A1BG: variants seen among roughly 807,000 people sequenced by gnomAD.
The protein encoded by A1BG is alpha-1B-glycoprotein.
Under a neutral mutation model 46.0 loss-of-function variants are expected in A1BG, and 44 were observed. The ratio of observed to expected loss-of-function variants is 0.96; its 90% CI spans 0.75 to 1.23. The LOEUF (loss-of-function observed/expected upper bound fraction) is 1.23. Among genes scored for constraint, A1BG ranks in the 50% most tolerant of loss-of-function variants. The pLI is 0.00. For missense variants in A1BG, 707 were observed against 688.8 expected, an observed-to-expected ratio of 1.03 and a Z score of -0.30; for synonymous variants, 316 against 314.7, an observed-to-expected ratio of 1.00 and a Z score of -0.04.
chr19:58,350,479 C>T lies in A1BG; in HGVS notation c.1083G>A (p.Leu361=). The T allele has an allele frequency of 1.3e-6, 2 of 1,556,714 alleles. No individual in the cohort carries two copies. The highest frequency in any genetic ancestry group is 1.7e-6 in the Non-Finnish European group (2 of 1,150,806). The change falls in exon 6 of 8, where the codon CTG becomes CTA. Residue 361 remains leucine (L), a synonymous_variant. Transcript: ENST00000263100. ...CGGAGTCAGCCACGGAAATGTTGTG[C>T]AGCTCGAAGAGCGCCTCGGTCCCAG... ...SPAGTEALFE[L]HNISVADSAN...
rs375666222 is a variant in A1BG at position 58,352,466 on chromosome 19, G to A, written c.430C>T (p.Arg144Trp). ...CGCCTCAGCAGAAAAGTCACACCCC[G>A]CAGCACACCTCGGCACACTGCTGTT... The part of the protein sequence containing the change: ...KTTAVCRGVL[R>W]GVTFLLRREG... Residue 144 changes from arginine (R) to tryptophan (W), a missense_variant, in exon 4 of 8, where the codon CGG becomes TGG. By Grantham distance (101) the Arg-to-Trp change is moderately radical. Transcript: ENST00000263100. 28 of 1,613,472 alleles carry A rather than the reference G, an allele frequency of 1.7e-5. No individual in the cohort carries two copies. Among genetic ancestry groups the A allele is most frequent in the African/African-American group, 6.7e-5 (5 of 74,848 alleles).
At position 58,353,383 on chromosome 19, in the gene A1BG, C is replaced by T. The variant is rs370525596; in HGVS notation, c.34+21G>A. The T allele has an allele frequency of 5.5e-5, 88 of 1,612,496 alleles. 2 individuals are homozygous for T. In the East Asian group the frequency reaches 6.5e-4, roughly 12 times the overall value. ...TCCCGCCCCCTCCCGCCCCAGGGAC[C>T]CAGACCCCAGGAGGCCTCACCCCAC... On this transcript the variant is annotated intron_variant, in intron 1 of 7. Transcript: ENST00000263100.
chr19:58,351,046 C>G, intron 5 of A1BG: 1 of 452,222 alleles, frequency 2.2e-6, no homozygotes, highest in South Asian at 3.1e-5. Flanking sequence ...GTCCGGTGCT[C>G]AGAGTTTGCT....
Position 58,348,079 on chromosome 19 carries a change from C to T in A1BG, c.1193-439G>A, listed in dbSNP as rs536155330. Among the ~76,000 whole-genome samples, 20 of 152,336 alleles carry T rather than the reference C, an allele frequency of 1.3e-4. No individual in the cohort carries two copies. In the East Asian group the frequency reaches 3.7e-3, roughly 28 times the overall value. On this transcript the variant is annotated intron_variant, in intron 6 of 7. Coordinates refer to ENST00000263100, the MANE Select transcript of A1BG (RefSeq NM_130786.4). ...AAAAGTGTATTTAAGGTGCCGGGCG[C>T]AGTGGCTCACACCTGTAATCTCAGC...
chr19:58,346,624 G>A lies in A1BG; in HGVS notation c.*398C>T. 7.4e-6 allele frequency: 2 copies of A among 271,800 alleles called. No individual in the cohort carries two copies. Among genetic ancestry groups the A allele is most frequent in the Non-Finnish European group, 1.4e-5 (2 of 138,978 alleles). The allele number at this position is 271,800 out of a possible 1,614,324, so 16.8% of individuals were successfully genotyped here. Reference sequence around the variant, plus strand: ...GCTCCCAGCTACTTGGGAGGCTGAGGCAGGAGGATCGCTTGAGCCTGGGAG... The same window carrying A: ...GCTCCCAGCTACTTGGGAGGCTGAGACAGGAGGATCGCTTGAGCCTGGGAG... On this transcript the variant is annotated 3_prime_UTR_variant, in exon 8 of 8. Transcript: ENST00000263100.
intron 7 of A1BG, 97 bp downstream of exon 7, chr19:58,347,256 C>T: frequency 6.5e-7 from 1 of 1,547,606 alleles, no homozygotes; most frequent in South Asian, 1.2e-5. Context: ...CCAGGGGTGC[C>T]CAAGGGAGGA....
chr19:58,351,921 G>C, intron 4 of A1BG: 1 of 701,700 alleles, frequency 1.4e-6, no homozygotes, highest in Non-Finnish European at 2.3e-6. Context: ...TCAGCCTCCT[G>C]AGTAGCTGGT....
Position 58,352,996 on chromosome 19 carries a change from T to C in A1BG, c.272A>G (p.Tyr91Cys). The change falls in exon 3 of 8, where the codon TAC becomes TGC. Residue 91 changes from tyrosine (Y) to cysteine (C), a missense_variant. Tyr to Cys is a radical substitution (Grantham distance 194, BLOSUM62 -2). Transcript: ENST00000263100. ...FLLTGDTQGR[Y>C]RCRSGLSTGW... ...TGTGGACAAGCCCGAGCGGCAGCGG[T>C]AGCGGCCCTGGGTGTCACCCGTCAG... 6.2e-7 allele frequency: 1 copy of C among 1,613,952 alleles called. No individual in the cohort carries two copies. Among genetic ancestry groups the C allele is most frequent in the Non-Finnish European group, 8.5e-7 (1 of 1,180,020 alleles).
intron 6 of A1BG, chr19:58,349,725 G>C (rs1417980300): frequency 6.7e-6 from 1 of 149,310 alleles, no homozygotes; most frequent in Non-Finnish European, 1.5e-5. Context: ...ATGAGAGAGA[G>C]AGAAAGAAGA....
At chr19:58,350,770 T>G in intron 5 of A1BG, 119 bp from the exon 6 acceptor site, 1 of 1,148,954 alleles carries the variant, frequency 8.7e-7, no homozygotes, top group Non-Finnish European at 1.1e-6. Flanking sequence ...CCTGGCCAGC[T>G]TCCTCCCTCG....
At chr19:58,351,093 C>T in intron 5 of A1BG, 1 of 524,412 alleles carries the variant, frequency 1.9e-6, no homozygotes, top group Non-Finnish European at 3.4e-6. Context: ...AGCGGAGGAG[C>T]TGCCTCAGCA....
At chr19:58,350,221 G>A (rs997648544) in intron 6 of A1BG, 149 bp downstream of exon 6, 113 of 1,051,524 alleles carry the variant, frequency 1.1e-4, no homozygotes, top group Non-Finnish European at 1.3e-4. Flanking sequence ...CTCGACCACC[G>A]ATCGCCTGCT....
At chr19:58,352,752 C>A in intron 3 of A1BG, 176 bp downstream of exon 3, 1 of 1,178,430 alleles carries the variant, frequency 8.5e-7, no homozygotes, top group Non-Finnish European at 1.2e-6. Flanking sequence ...TACGGCATGC[C>A]GGGCCTGCTG....
intron 6 of A1BG, chr19:58,349,145 A>G (rs969137534): frequency 1.3e-5 from 2 of 152,068 alleles, no homozygotes; most frequent in Non-Finnish European, 2.9e-5. Context: ...CAGCCTCCCA[A>G]GTGGCTGGGA....
At chr19:58,349,508 G>A (rs1309511759) in intron 6 of A1BG, 1 of 151,872 alleles carries the variant, frequency 6.6e-6, no homozygotes, top group African/African-American at 2.4e-5. Flanking sequence ...AAAATTAGGT[G>A]GGCATGGTGG....
At chr19:58,348,558 C>T (rs1208129668) in intron 6 of A1BG, 3 of 152,256 alleles carry the variant, frequency 2.0e-5, no homozygotes, top group African/African-American at 7.2e-5. Context: ...GTATAATATA[C>T]TTTCGCATTT....
chr19:58,352,068 A>G, intron 4 of A1BG: 1 of 1,425,700 alleles, frequency 7.0e-7, no homozygotes. Flanking sequence ...TGCTGGGATT[A>G]TAGGCGTGAG....
chr19:58,350,370 C>T lies in A1BG; in HGVS notation c.1192G>A (p.Gly398Arg), dbSNP rs1215012766. ...PSERLELHVDGPPPRPQLRAT... is the reference protein window; with the variant it reads ...PSERLELHVDRPPPRPQLRAT... Reference sequence around the variant, plus strand: ...CCTCGCTGGTGCCCCGCCAGCTCACCGTCCACGTGCAGCTCCAAGCGCTCG... The same window carrying T: ...CCTCGCTGGTGCCCCGCCAGCTCACTGTCCACGTGCAGCTCCAAGCGCTCG... The change falls in exon 6 of 8, where the codon GGA becomes AGA. Residue 398 changes from glycine to arginine, a missense_variant and splice_region_variant. Gly to Arg is a moderately radical substitution (Grantham distance 125). Coordinates refer to ENST00000263100, the MANE Select transcript of A1BG (RefSeq NM_130786.4). 7.2e-6 allele frequency: 11 copies of T among 1,535,124 alleles called. No homozygotes were observed. In the East Asian group the frequency reaches 7.4e-5, roughly 10 times the overall value.
Position 58,347,562 on chromosome 19 carries a change from T to C in A1BG, c.1271A>G (p.Glu424Gly). The C allele has an allele frequency of 6.4e-7, 1 of 1,555,162 alleles. No individual in the cohort carries two copies. Among genetic ancestry groups the C allele is most frequent in the South Asian group, 1.2e-5 (1 of 84,774 alleles). Residue 424 changes from glutamate (E) to glycine (G), a missense_variant, in exon 7 of 8, where the codon GAG (glutamate) becomes GGG (glycine). Physicochemically the swap from Glu to Gly is moderately conservative, Grantham distance 98. Transcript: ENST00000263100. ...LAGRDAVLRCEGPIPDVTFEL... is the reference protein window; with the variant it reads ...LAGRDAVLRCGGPIPDVTFEL... ...GAAGGTGACGTCGGGGATGGGTCCC[T>C]CGCAGCGCAGGACGGCATCTCGGCC...
Sources: gnomAD v4.1 joint callset for allele counts (sites outside exome capture counted in the v4.1 genomes callset) on GRCh38, gnomAD v4.1.1 for gene constraint, MANE v1.5 for transcripts, NCBI Gene and HGNC (gene_info 2026-07-23, HGNC 2026-07-21) for gene names.